The following TNR variants were observed in gnomAD, a reference collection of about 807,000 sequenced individuals.
TNR encodes the protein tenascin R.
In TNR, 45 loss-of-function variants were observed where a neutral mutation model predicts 150.4. The ratio of observed to expected loss-of-function variants is 0.30; its 90% CI spans 0.24 to 0.38. The LOEUF is 0.38. Ranked by LOEUF, TNR falls within the 10% of genes least tolerant of loss-of-function variation. TNR has a pLI of 1.00. For synonymous variants in TNR, 687 were observed against 678.4 expected (o/e 1.01, Z -0.20); for missense variants, 1,544 against 1,759.1 (o/e 0.88, Z 2.19).
chr1:175,692,454 T>C (rs1294139712), intron 1 of TNR, among the ~76,000 whole-genome samples: 4 of 152,200 alleles, frequency 2.6e-5, no homozygotes, highest in Non-Finnish European at 5.9e-5. Flanking sequence ...TTAATATAAG[T>C]GGAGAGTGCC....
chr1:175,444,312 C>A (rs1433465239), intron 2 of TNR, among the ~76,000 whole-genome samples: 1 of 151,996 alleles, frequency 6.6e-6, no homozygotes, highest in African/African-American at 2.4e-5. Flanking sequence ...AATCTAAGAC[C>A]CCTTTAAAGG....
intron 16 of TNR, 43 bp from the exon 17 acceptor site, chr1:175,355,676 C>G (rs1401988090): frequency 1.2e-6 from 2 of 1,609,326 alleles, no homozygotes; most frequent in African/African-American, 2.7e-5. Flanking sequence ...GCCTCTCCAG[C>G]TCCTCCCCCT....
intron 2 of TNR, among the ~76,000 whole-genome samples, chr1:175,474,470 C>A (rs1341002908): frequency 2.0e-5 from 3 of 152,202 alleles, no homozygotes; most frequent in Non-Finnish European, 4.4e-5. Flanking sequence ...GGACTTCCAA[C>A]CTCCAGAACA....
chr1:175,613,796 T>A (rs189453136), intron 1 of TNR, among the ~76,000 whole-genome samples: 5 of 152,196 alleles, frequency 3.3e-5, no homozygotes, highest in Admixed American at 1.3e-4. Flanking sequence ...CTCCTGCATA[T>A]CCAGTCTACA....
At chr1:175,560,743 C>G (rs1661393026) in intron 1 of TNR, among the ~76,000 whole-genome samples, 1 of 150,304 alleles carries the variant, frequency 6.7e-6, no homozygotes, top group East Asian at 1.9e-4. Flanking sequence ...CATCTCTAGT[C>G]TTTTGGTATC....
At chr1:175,417,077 A>AAGAAAGAAAGAAAGAAAG (rs1358494901) in intron 2 of TNR, among the ~76,000 whole-genome samples, 1 of 149,820 alleles carries the variant, frequency 6.7e-6, no homozygotes, top group Non-Finnish European at 1.5e-5. Context: ...GAAAGAAAGA[A>AAGAAAGAAAGAAAGAAAG]ATCTAAGAAG....
intron 16 of TNR, among the ~76,000 whole-genome samples, chr1:175,355,866 T>A (rs766005809): frequency 1.3e-5 from 2 of 152,204 alleles, no homozygotes; most frequent in Non-Finnish European, 2.9e-5. Context: ...CCTCTAGGCT[T>A]GGGTGTGACA....
intron 15 of TNR, among the ~76,000 whole-genome samples, chr1:175,358,943 C>A (rs780473234): frequency 3.3e-5 from 5 of 152,010 alleles, no homozygotes; most frequent in Admixed American, 3.3e-4. Flanking sequence ...TCTTGCTCTG[C>A]GAATATTTAG....
chr1:175,454,554 T>C (rs2102097203), intron 2 of TNR, among the ~76,000 whole-genome samples: 1 of 152,262 alleles, frequency 6.6e-6, no homozygotes, highest in Admixed American at 6.5e-5. Flanking sequence ...CACTGCAACC[T>C]CCCCTCTCCT....
chr1:175,662,651 A>G (rs1034184458), intron 1 of TNR, among the ~76,000 whole-genome samples: 56 of 152,228 alleles, frequency 3.7e-4, no homozygotes, highest in African/African-American at 1.3e-3. Context: ...TGATGCAAAC[A>G]GAATGGAGCT....
At position 175,406,256 on chromosome 1, in the gene TNR, G is replaced by A; in HGVS notation, c.459C>T (p.Asp153=). 1 of 1,614,166 alleles carries A rather than the reference G, an allele frequency of 6.2e-7. No homozygotes were observed. Among genetic ancestry groups the A allele is most frequent in the Non-Finnish European group, 8.5e-7 (1 of 1,180,032 alleles). ...MLEREVSVLR[D]QCNANCCQES... is the part of the protein sequence containing the mutation. Reference sequence around the variant, plus strand: ...CTTGGCAGCAGTTGGCGTTGCACTGGTCTCGCAGCACCGACACCTCCCTCT... The same window carrying A: ...CTTGGCAGCAGTTGGCGTTGCACTGATCTCGCAGCACCGACACCTCCCTCT... The change falls in exon 3 of 23, where the codon GAC becomes GAT. Residue 153 remains aspartate (D), a synonymous_variant. Coordinates refer to ENST00000367674, the MANE Select transcript of TNR (RefSeq NM_003285.3).
chr1:175,566,036 TTG>T (rs547867641), intron 1 of TNR, among the ~76,000 whole-genome samples: 2 of 152,268 alleles, frequency 1.3e-5, no homozygotes, highest in South Asian at 2.1e-4. Flanking sequence ...GTTGATTGTT[TTG>T]TGTTATTTCC....
Position 175,335,703 on chromosome 1 carries a change from G to C in TNR, c.3631+8C>G. 6.2e-7 allele frequency: 1 copy of C among 1,611,486 alleles called. No individual in the cohort carries two copies. The highest frequency in any genetic ancestry group is 8.5e-7 in the Non-Finnish European group (1 of 1,179,088). On this transcript the variant is annotated splice_region_variant and intron_variant, in intron 20 of 22. Coordinates refer to ENST00000367674, the MANE Select transcript of TNR (RefSeq NM_003285.3). ...GCACATCAATGGAAAGCAATAAGGAGGCTTTACCCAGCCAGAACTCATCCT... is the reference window on the plus strand; with the variant it reads ...GCACATCAATGGAAAGCAATAAGGACGCTTTACCCAGCCAGAACTCATCCT...
intron 2 of TNR, among the ~76,000 whole-genome samples, chr1:175,515,267 G>C (rs921054173): frequency 1.3e-5 from 2 of 152,178 alleles, no homozygotes; most frequent in African/African-American, 4.8e-5. Flanking sequence ...GTGAAACACT[G>C]TGTAGTCTTA....
chr1:175,432,041 C>G (rs764328368), intron 2 of TNR, among the ~76,000 whole-genome samples: 1 of 151,598 alleles, frequency 6.6e-6, no homozygotes, highest in Non-Finnish European at 1.5e-5. Flanking sequence ...AGGCATCATG[C>G]GTGAGCCTCT....
chr1:175,641,420 G>A (rs1250910056), intron 1 of TNR, among the ~76,000 whole-genome samples: 1 of 152,186 alleles, frequency 6.6e-6, no homozygotes, highest in Non-Finnish European at 1.5e-5. Flanking sequence ...AAGTATCTAA[G>A]TGAGAATACC....
At chr1:175,369,789 T>C (rs1188868347) in intron 9 of TNR, among the ~76,000 whole-genome samples, 1 of 152,218 alleles carries the variant, frequency 6.6e-6, no homozygotes, top group Non-Finnish European at 1.5e-5. Context: ...TCGGAAATAC[T>C]TTGAGCAACA....
chr1:175,741,354 A>G lies in TNR; in HGVS notation c.-165+1872T>C, dbSNP rs146783710. Among the ~76,000 whole-genome samples, 1,231 of 152,322 alleles carry G rather than the reference A, an allele frequency of 8.1e-3. 18 individuals carry two copies. The highest frequency in any genetic ancestry group is 0.027 in the African/African-American group (1,113 of 41,570). On this transcript the variant is annotated intron_variant, in intron 1 of 22. Transcript: ENST00000367674. ...TTTTTTTCAGAGAAAATTTAAGGGC[A>G]TTAATGAGATAATGACTACTAAGTA...
chr1:175,574,970 C>T (rs1662041232), intron 1 of TNR, among the ~76,000 whole-genome samples: 1 of 152,242 alleles, frequency 6.6e-6, no homozygotes, highest in Non-Finnish European at 1.5e-5. Context: ...GTAGCACATT[C>T]CTCATGGAAT....
Sources: gnomAD v4.1 joint callset for allele counts (sites outside exome capture counted in the v4.1 genomes callset) on GRCh38, gnomAD v4.1.1 for gene constraint, MANE v1.5 for transcripts, NCBI Gene and HGNC (gene_info 2026-07-23, HGNC 2026-07-21) for gene names.